PTPRN2: variants seen among roughly 807,000 people sequenced by gnomAD.
The protein encoded by PTPRN2 is protein tyrosine phosphatase receptor type N2.
A neutral mutation model predicts 118.8 loss-of-function variants in PTPRN2; 74 were observed. That is an observed-to-expected ratio of 0.62 (90% CI 0.52 to 0.76). PTPRN2 has a LOEUF of 0.76. Ranked by LOEUF, PTPRN2 falls within the 30% of genes least tolerant of loss-of-function variation. The pLI, the probability that PTPRN2 is intolerant of heterozygous loss-of-function variation, is 0.00. For synonymous variants in PTPRN2, 641 were observed against 608.0 expected (o/e 1.05, Z -0.80); for missense variants, 1,481 against 1,394.4 (o/e 1.06, Z -0.99).
At chr7:158,025,775 C>T (rs1187835735) in intron 11 of PTPRN2, among the ~76,000 whole-genome samples, 1 of 152,234 alleles carries the variant, frequency 6.6e-6, no homozygotes, top group Non-Finnish European at 1.5e-5. Flanking sequence ...CAGTAATTGA[C>T]ACAAGATCAG....
intron 4 of PTPRN2, 36 bp downstream of exon 4, chr7:158,205,135 T>C: frequency 6.6e-7 from 1 of 1,507,472 alleles, no homozygotes; most frequent in Non-Finnish European, 9.2e-7. Flanking sequence ...GACTGTGTCC[T>C]GGGAGCAAGG....
intron 6 of PTPRN2, among the ~76,000 whole-genome samples, chr7:158,150,325 A>T (rs1191174191): frequency 6.6e-6 from 1 of 152,228 alleles, no homozygotes; most frequent in Non-Finnish European, 1.5e-5. Flanking sequence ...TCAGCTGACA[A>T]GCATGTTCCA....
At chr7:158,174,022 G>C (rs887347732) in intron 5 of PTPRN2, among the ~76,000 whole-genome samples, 1 of 152,150 alleles carries the variant, frequency 6.6e-6, no homozygotes, top group African/African-American at 2.4e-5. Context: ...TACATCCTCA[G>C]CTTATGAAGA....
rs190223532 is a variant in PTPRN2, at chr7:157,871,913, G to A, written c.1788+26760C>T. Among the ~76,000 whole-genome samples the A allele has an allele frequency of 1.1e-4, 17 of 148,860 alleles. No homozygotes were observed. In the South Asian group the frequency reaches 1.7e-3, roughly 15 times the overall value. ...ACCTCCCCACACACAAATACCCAGC[G>A]TCCTTCCCATACCTGCATACCCAGC... is the stretch of plus-strand genomic sequence containing the variant. On this transcript the variant is annotated intron_variant, in intron 12 of 22. Transcript: ENST00000389418.
At chr7:158,505,243 T>C (rs1184597940) in intron 1 of PTPRN2, among the ~76,000 whole-genome samples, 3 of 152,154 alleles carry the variant, frequency 2.0e-5, no homozygotes, top group Non-Finnish European at 4.4e-5. Flanking sequence ...TATAAACCCA[T>C]GGGACACTTC....
intron 2 of PTPRN2, among the ~76,000 whole-genome samples, chr7:158,487,554 A>G (rs967299857): frequency 6.6e-6 from 1 of 152,144 alleles, no homozygotes; most frequent in African/African-American, 2.4e-5. Flanking sequence ...TCCAAGCTTG[A>G]TAAGATTATA....
Position 158,188,225 on chromosome 7 carries a change from GGCCGCCACGCTTGCCCCGCGAT to G in PTPRN2, c.549+4080_549+4101del, listed in dbSNP as rs1563576563. ...GCCACGCTCGCCGCCTGATGGGGAA[GGCCGCCACGCTTGCCCCGCGAT>G]GGGGAAGGCCGCCACGCTCGCCCCC... On this transcript the variant is annotated intron_variant, in intron 5 of 22. Transcript: ENST00000389418. Among the ~76,000 whole-genome samples the G allele has an allele frequency of 2.1e-3, 143 of 69,068 alleles. 19 individuals are homozygous for G. In the Middle Eastern group the frequency reaches 0.044, roughly 21 times the overall value. 45.3% of individuals were successfully genotyped at this position (69,068 alleles called of 152,430 possible).
chr7:157,627,316 T>G lies in PTPRN2; in HGVS notation c.2197-5807A>C, dbSNP rs2150659578. ...AAGCTTTATGAAGAAAGCTCTAGAA[T>G]GAGCTGACTGAGGCTGACAATACCA... On this transcript the variant is annotated intron_variant, in intron 14 of 22. Coordinates refer to ENST00000389418, the MANE Select transcript of PTPRN2 (RefSeq NM_002847.5). This position sits in a 1 kb window ranked among gnomAD's most constrained non-coding sequence, Gnocchi z 4.2. 6.6e-6 allele frequency among the ~76,000 whole-genome samples: 1 copy of G among 152,320 alleles called. No individual in the cohort carries two copies. Among genetic ancestry groups the G allele is most frequent in the East Asian group, 1.9e-4 (1 of 5,184 alleles).
At chr7:158,355,736 G>C (rs1808339040) in intron 2 of PTPRN2, among the ~76,000 whole-genome samples, 2 of 152,250 alleles carry the variant, frequency 1.3e-5, no homozygotes, top group Non-Finnish European at 2.9e-5. Flanking sequence ...TGGCAACAGG[G>C]AGAATCTGCG....
chr7:158,401,087 C>G (rs1812912340), intron 2 of PTPRN2, among the ~76,000 whole-genome samples: 1 of 152,108 alleles, frequency 6.6e-6, no homozygotes, highest in Non-Finnish European at 1.5e-5. Flanking sequence ...GGCACCGCCA[C>G]CAGCAAGCAC....
intron 12 of PTPRN2, among the ~76,000 whole-genome samples, chr7:157,754,381 G>A (rs914823823): frequency 7.2e-5 from 11 of 152,256 alleles, no homozygotes; most frequent in East Asian, 1.9e-4. Flanking sequence ...GACATGCCCC[G>A]ACACTCGGCT....
intron 2 of PTPRN2, among the ~76,000 whole-genome samples, chr7:158,319,826 C>CACAT (rs1563133014): frequency 1.2e-4 from 1 of 8,128 alleles, no homozygotes. Flanking sequence ...CACACACACT[C>CACAT]AGTCTCCCTC....
At chr7:158,062,822 G>A (rs1009580644) in intron 11 of PTPRN2, among the ~76,000 whole-genome samples, 4 of 152,168 alleles carry the variant, frequency 2.6e-5, no homozygotes, top group Non-Finnish European at 5.9e-5. Flanking sequence ...GGCAGGGCGC[G>A]GGATCTGCAG....
intron 2 of PTPRN2, among the ~76,000 whole-genome samples, chr7:158,415,909 C>T (rs73178230): frequency 0.019 from 2,917 of 152,294 alleles, 28 homozygotes; most frequent in Non-Finnish European, 0.03. Context: ...GCTGGGTGGT[C>T]CCCTAGAAGC....
chr7:158,147,607 C>T (rs1224012900), intron 6 of PTPRN2, among the ~76,000 whole-genome samples: 1 of 128,090 alleles, frequency 7.8e-6, no homozygotes, highest in Non-Finnish European at 1.6e-5. Context: ...TCAATGACAC[C>T]CCATCTCACG....
chr7:157,543,203 G>A (rs1805208223), intron 22 of PTPRN2, among the ~76,000 whole-genome samples: 1 of 152,192 alleles, frequency 6.6e-6, no homozygotes. Flanking sequence ...GAACAGGAGG[G>A]GTGCAAAGCC....
chr7:158,357,799 G>A (rs186665575), intron 2 of PTPRN2, among the ~76,000 whole-genome samples: 1,586 of 152,326 alleles, frequency 0.01, 6 homozygotes, highest in Non-Finnish European at 0.014. Flanking sequence ...GGCGCATTGC[G>A]TCCAGCAGGG....
At position 158,290,756 on chromosome 7, in the gene PTPRN2, C is replaced by A. The variant is rs115809498; in HGVS notation, c.277+26063G>T. Among the ~76,000 whole-genome samples, 275 of 152,280 alleles carry A rather than the reference C, an allele frequency of 1.8e-3. 2 individuals are homozygous for A. The highest frequency in any genetic ancestry group is 6.4e-3 in the African/African-American group (264 of 41,566). On this transcript the variant is annotated intron_variant, in intron 3 of 22. Coordinates refer to ENST00000389418, the MANE Select transcript of PTPRN2 (RefSeq NM_002847.5). ...TGTTTTTTCTGCCTTTTCAGTGCAT[C>A]TTATTTCTGTGCCATGCCCAGGTGC...
chr7:158,439,760 G>A (rs1816848676), intron 2 of PTPRN2, among the ~76,000 whole-genome samples: 1 of 152,208 alleles, frequency 6.6e-6, no homozygotes, highest in African/African-American at 2.4e-5. Flanking sequence ...ACAAGTCTCT[G>A]AACGACCAAC....
Sources: gnomAD v4.1 joint callset for allele counts (sites outside exome capture counted in the v4.1 genomes callset) on GRCh38, gnomAD v4.1.1 for gene constraint, Gnocchi (gnomAD v3.1) non-coding constraint, MANE v1.5 for transcripts, NCBI Gene and HGNC (gene_info 2026-07-23, HGNC 2026-07-21) for gene names.